The following CFAP20DC variants were observed in gnomAD, a reference collection of about 807,000 sequenced individuals.
CFAP20DC encodes the protein protein CFAP20DC.
A neutral mutation model predicts 101.7 loss-of-function variants in CFAP20DC; 84 were observed. That is an observed-to-expected ratio of 0.83 (90% CI 0.69 to 0.99). CFAP20DC has a LOEUF of 0.99. CFAP20DC is among the 50% of genes least tolerant of loss of function. The pLI, the probability that CFAP20DC is intolerant of heterozygous loss-of-function variation, is 0.00. For synonymous variants in CFAP20DC, 359 were observed against 351.2 expected (o/e 1.02, Z -0.25); for missense variants, 1,007 against 970.3 (o/e 1.04, Z -0.50).
At chr3:58,843,597 T>C (rs1361331053) in intron 13 of CFAP20DC, among the ~76,000 whole-genome samples, 2 of 151,810 alleles carry the variant, frequency 1.3e-5, no homozygotes, top group Non-Finnish European at 2.9e-5. Flanking sequence ...CTGCAGGATA[T>C]TATCCAGGAG....
At chr3:58,768,171 C>T (rs1305248284) in intron 15 of CFAP20DC, among the ~76,000 whole-genome samples, 1 of 152,136 alleles carries the variant, frequency 6.6e-6, no homozygotes, top group Non-Finnish European at 1.5e-5. Flanking sequence ...TAAGGGCCAG[C>T]TGCTGTGCTT....
rs1700171166 is a variant in CFAP20DC, at chr3:59,049,819, G to C, written c.-188C>G. On this transcript the variant is annotated 5_prime_UTR_variant, in exon 1 of 17. Transcript: ENST00000482387. ...CGGCCCCTGGTCAGCTCCATCTCCC[G>C]CCCTCCATCAGCACCATTGCGGCTC... 1.5e-6 allele frequency: 1 copy of C among 657,524 alleles called. No homozygotes were observed. Among genetic ancestry groups the C allele is most frequent in the South Asian group, 1.9e-5 (1 of 51,716 alleles). 40.7% of individuals were successfully genotyped at this position (657,524 alleles called of 1,614,324 possible). A position where few individuals can be genotyped will look rare whatever the true frequency, so the allele number is the denominator to read the frequency against.
At chr3:58,749,623 C>T (rs2068433990) in intron 16 of CFAP20DC, among the ~76,000 whole-genome samples, 1 of 152,146 alleles carries the variant, frequency 6.6e-6, no homozygotes, top group South Asian at 2.1e-4. Flanking sequence ...TTATGAGAAT[C>T]AGGCAACTCC....
Position 58,788,391 on chromosome 3 carries a change from G to C in CFAP20DC, c.2237+18004C>G, listed in dbSNP as rs1199364650. ...GGTGAGAATCCACAGACATTTTTGA[G>C]CTTCTAATGTGGACAGCGCTGTATG... On this transcript the variant is annotated intron_variant, in intron 15 of 16. Coordinates refer to ENST00000482387, the MANE Select transcript of CFAP20DC (RefSeq NM_001394063.1). This position sits in a 1 kb window ranked among gnomAD's most constrained non-coding sequence, Gnocchi z 4.2. Among the ~76,000 whole-genome samples, 1 of 152,114 alleles carries C rather than the reference G, an allele frequency of 6.6e-6. No individual in the cohort carries two copies. Among genetic ancestry groups the C allele is most frequent in the Non-Finnish European group, 1.5e-5 (1 of 68,010 alleles).
At position 58,886,091 on chromosome 3, in the gene CFAP20DC, C is replaced by T. The variant is rs574906726; in HGVS notation, c.551-1382G>A. Among the ~76,000 whole-genome samples the T allele has an allele frequency of 7.9e-5, 12 of 151,992 alleles. No individual in the cohort carries two copies. In the South Asian group the frequency reaches 2.5e-3, roughly 32 times the overall value. The stretch of plus-strand genomic sequence containing the variant: ...GGGAATATAAATTAGTATTAATATC[C>T]TAGAAAGACTTTACTATGTGTACCA... On this transcript the variant is annotated intron_variant, in intron 6 of 16. Coordinates refer to ENST00000482387, the MANE Select transcript of CFAP20DC (RefSeq NM_001394063.1).
rs867117147 is a variant in CFAP20DC at position 58,752,690 on chromosome 3, G to A, written c.2332+1079C>T. On this transcript the variant is annotated intron_variant, in intron 16 of 16. Transcript: ENST00000482387. ...CCTCTAAAAAGATTCCCAATTTGAG[G>A]GGCATAATCTATTTTAGATAATAAA... Among the ~76,000 whole-genome samples, 8 of 151,928 alleles carry A rather than the reference G, an allele frequency of 5.3e-5. No homozygotes were observed. In the South Asian group the frequency reaches 1.0e-3, roughly 20 times the overall value.
rs1432050211 is a variant in CFAP20DC at position 58,863,870 on chromosome 3, A to G, written c.1281T>C (p.Asn427=). 1 of 1,611,840 alleles carries G rather than the reference A, an allele frequency of 6.2e-7. No homozygotes were observed. The highest frequency in any genetic ancestry group is 8.5e-7 in the Non-Finnish European group (1 of 1,178,578). The change falls in exon 12 of 17, where the codon AAT becomes AAC. Residue 427 remains asparagine, a synonymous_variant. Transcript: ENST00000482387. The surrounding 1 kb of genome is among the most constrained non-coding windows in gnomAD (Gnocchi z 5.9). ...DQSDEWIFPE[N]ADHISYLASS... ...ATGCCAGATATGAAATGTGATCAGC[A>G]TTTTCAGGAAAAATCCACTCATCTG... is the stretch of plus-strand genomic sequence containing the variant.
At chr3:58,777,075 A>G (rs987090256) in intron 15 of CFAP20DC, among the ~76,000 whole-genome samples, 7 of 152,208 alleles carry the variant, frequency 4.6e-5, no homozygotes, top group African/African-American at 1.7e-4. Flanking sequence ...AAATATAGCT[A>G]CTTATCTCCC....
intron 5 of CFAP20DC, chr3:58,915,006 T>C (rs960806670): frequency 6.6e-6 from 1 of 152,052 alleles, no homozygotes. Context: ...AATGAAGTAA[T>C]GTAAGATGGC....
chr3:59,029,631 A>G (rs1038408445), intron 4 of CFAP20DC, among the ~76,000 whole-genome samples: 4 of 152,156 alleles, frequency 2.6e-5, no homozygotes, highest in Non-Finnish European at 5.9e-5. Flanking sequence ...CAGAACACCC[A>G]GGAGTACTGT....
At chr3:58,785,658 G>A (rs1420475242) in intron 15 of CFAP20DC, among the ~76,000 whole-genome samples, 1 of 152,120 alleles carries the variant, frequency 6.6e-6, no homozygotes, top group Non-Finnish European at 1.5e-5. Flanking sequence ...CATCATTGAA[G>A]ATGTAGGGGA....
At chr3:59,013,863 A>C (rs2093637428) in intron 4 of CFAP20DC, among the ~76,000 whole-genome samples, 2 of 152,190 alleles carry the variant, frequency 1.3e-5, no homozygotes, top group South Asian at 4.1e-4. Context: ...AAACAAAAAA[A>C]CTACATAAAT....
rs188526241 is a variant in CFAP20DC, at chr3:58,939,457, T to C, written c.279-1695A>G. Among the ~76,000 whole-genome samples, 58 of 152,186 alleles carry C rather than the reference T, an allele frequency of 3.8e-4. 1 individual carries two copies. The East Asian group carries it at 8.3e-3, about 22-fold the overall frequency. ...TAAAACTACATTTTTTAAAATTTTA[T>C]TTTTATTTTTTATTTTTTTGAGACA... is the stretch of plus-strand genomic sequence containing the variant. On this transcript the variant is annotated intron_variant, in intron 4 of 16. Transcript: ENST00000482387.
intron 4 of CFAP20DC, among the ~76,000 whole-genome samples, chr3:59,016,614 T>G (rs1471557503): frequency 6.6e-6 from 1 of 152,172 alleles, no homozygotes; most frequent in Non-Finnish European, 1.5e-5. Context: ...ATATACACAT[T>G]GAAATACATG....
chr3:58,809,668 C>A (rs1037190765), intron 14 of CFAP20DC, among the ~76,000 whole-genome samples: 4 of 152,050 alleles, frequency 2.6e-5, no homozygotes, highest in African/African-American at 7.2e-5. Context: ...CAAACACATA[C>A]GAAAGCTAGC....
chr3:58,853,769 A>C (rs1294063770), intron 12 of CFAP20DC, among the ~76,000 whole-genome samples: 1 of 152,170 alleles, frequency 6.6e-6, no homozygotes, highest in Non-Finnish European at 1.5e-5. Flanking sequence ...AAAAGGCCTT[A>C]GACAAAATTC....
Position 58,729,127 on chromosome 3 carries a change from C to A in CFAP20DC, c.198-11499G>T, listed in dbSNP as rs944814821. Among the ~76,000 whole-genome samples the A allele has an allele frequency of 1.3e-5, 2 of 152,166 alleles. No individual in the cohort carries two copies. Among genetic ancestry groups the A allele is most frequent in the African/African-American group, 4.8e-5 (2 of 41,428 alleles). On this transcript the variant is annotated intron_variant, in intron 3 of 3. Coordinates refer to the CFAP20DC transcript ENST00000486145. The surrounding 1 kb of genome is among the most constrained non-coding windows in gnomAD (Gnocchi z 4.4). ...ATCTTGACTGCAACCTCATGAGAGA[C>A]CCCAAGCCAGAACCACTCAGTTAGA...
chr3:58,956,332 C>T (rs960959914), intron 4 of CFAP20DC, among the ~76,000 whole-genome samples: 4 of 151,890 alleles, frequency 2.6e-5, no homozygotes, highest in Non-Finnish European at 4.4e-5. Context: ...GACCAGGCAG[C>T]ACTCACCACA....
chr3:58,832,900 C>G (rs186864405), intron 13 of CFAP20DC, among the ~76,000 whole-genome samples: 1 of 152,094 alleles, frequency 6.6e-6, no homozygotes, highest in African/African-American at 2.4e-5. Flanking sequence ...GTGATTTACA[C>G]GCAGAACTGC....
Sources: gnomAD v4.1 joint callset for allele counts (sites outside exome capture counted in the v4.1 genomes callset) on GRCh38, gnomAD v4.1.1 for gene constraint, Gnocchi (gnomAD v3.1) non-coding constraint, MANE v1.5 for transcripts, NCBI Gene and HGNC (gene_info 2026-07-23, HGNC 2026-07-21) for gene names.